SEPTIN3: variants seen among roughly 807,000 people sequenced by gnomAD.
SEPTIN3 encodes neuronal-specific septin-3.
In SEPTIN3, 15 loss-of-function variants were observed where a neutral mutation model predicts 45.1. The observed-to-expected ratio is 0.33, with a 90% CI of 0.22 to 0.51. SEPTIN3 has a LOEUF of 0.51. SEPTIN3 is among the 20% of genes least tolerant of loss of function. SEPTIN3 has a pLI of 0.97. For synonymous variants in SEPTIN3, 148 were observed against 164.8 expected, an observed-to-expected ratio of 0.90 and a Z score of 0.78; for missense variants, 289 against 457.2, an observed-to-expected ratio of 0.63 and a Z score of 3.35.
chr22:41,982,661 G>A (rs1252181700), intron 3 of SEPTIN3, among the ~76,000 whole-genome samples: 2 of 152,108 alleles, frequency 1.3e-5, no homozygotes, highest in African/African-American at 4.8e-5. Context: ...GGCCGAGGTG[G>A]GTGGATCACC....
intron 7 of SEPTIN3, among the ~76,000 whole-genome samples, chr22:41,990,687 A>G (rs2078297232): frequency 7.0e-6 from 1 of 142,488 alleles, no homozygotes; most frequent in South Asian, 2.3e-4. Flanking sequence ...CGGCGCTTGC[A>G]GTGAGCTGAG....
intron 3 of SEPTIN3, among the ~76,000 whole-genome samples, chr22:41,984,449 C>T (rs1569438389): frequency 2.0e-5 from 3 of 152,300 alleles, no homozygotes; most frequent in South Asian, 2.1e-4. Context: ...TACTAGTGTC[C>T]GGGCAATGCC....
rs980211031 is a variant in SEPTIN3, at chr22:41,976,872, C to T, written c.1504+3876C>T. On this transcript the variant is annotated intron_variant, in intron 2 of 11. Coordinates refer to ENST00000644076, the MANE Select transcript of SEPTIN3 (RefSeq NM_001363845.2). This position sits in a 1 kb window ranked among gnomAD's most constrained non-coding sequence, Gnocchi z 5.8. ...GCGCCGAGCGAGCCGAGGCGAGGTCCCGGGGAGGGCGCGGCGGCGCGGGGC... is the reference window on the plus strand; with the variant it reads ...GCGCCGAGCGAGCCGAGGCGAGGTCTCGGGGAGGGCGCGGCGGCGCGGGGC... 1 of 169,030 alleles carries T rather than the reference C, an allele frequency of 5.9e-6. No homozygotes were observed. The highest frequency in any genetic ancestry group is 1.2e-5 in the Non-Finnish European group (1 of 85,816). 10.5% of individuals were successfully genotyped at this position (169,030 alleles called of 1,614,324 possible). A position where few individuals can be genotyped will look rare whatever the true frequency, so the allele number is the denominator to read the frequency against.
At chr22:41,991,988 G>C (rs1403217960) in intron 8 of SEPTIN3, among the ~76,000 whole-genome samples, 1 of 152,168 alleles carries the variant, frequency 6.6e-6, no homozygotes, top group Admixed American at 6.5e-5. Flanking sequence ...GGTCCAGGAG[G>C]ATCTATGCTG....
chr22:41,985,258 C>T lies in SEPTIN3; in HGVS notation c.1697-726C>T, dbSNP rs536299409. Among the ~76,000 whole-genome samples, 7 of 152,348 alleles carry T rather than the reference C, an allele frequency of 4.6e-5. No individual in the cohort carries two copies. In the South Asian group the frequency reaches 8.3e-4, roughly 18 times the overall value. The stretch of plus-strand genomic sequence containing the variant: ...GAAAACAGGTGAAAGGGAGCCATAG[C>T]GAAGGAAGTGGATGCAGGGGCCCTG... On this transcript the variant is annotated intron_variant, in intron 3 of 11. Transcript: ENST00000644076.
rs1389710333 is a variant in SEPTIN3 at position 41,997,869 on chromosome 22, C to T, written c.*902C>T. Reference sequence around the variant, plus strand: ...ATACCCAAGGGAGGGCAAAGCCCCCCATCAGATGCATGAATGTTTGCGAAT... The same window carrying T: ...ATACCCAAGGGAGGGCAAAGCCCCCTATCAGATGCATGAATGTTTGCGAAT... On this transcript the variant is annotated 3_prime_UTR_variant, in exon 12 of 12. Transcript: ENST00000644076. 2.0e-5 allele frequency: 3 copies of T among 152,712 alleles called. No individual in the cohort carries two copies. Among genetic ancestry groups the T allele is most frequent in the Non-Finnish European group, 2.9e-5 (2 of 68,086 alleles). The allele number at this position is 152,712 out of a possible 1,614,324, so 9.5% of individuals were successfully genotyped here. A position where few individuals can be genotyped will look rare whatever the true frequency, so the allele number is the denominator to read the frequency against.
chr22:41,987,376 C>T, intron 5 of SEPTIN3, 89 bp downstream of exon 5: 2 of 1,272,552 alleles, frequency 1.6e-6, no homozygotes, highest in Non-Finnish European at 2.2e-6. Context: ...TGAGAACCAT[C>T]TGCACCCTCC....
At chr22:41,985,453 G>GT (rs972930611) in intron 3 of SEPTIN3, among the ~76,000 whole-genome samples, 2 of 152,214 alleles carry the variant, frequency 1.3e-5, no homozygotes, top group African/African-American at 4.8e-5. Context: ...TATTAGTTAT[G>GT]TTGCTCTGCA....
rs2078202012 is a variant in SEPTIN3, at chr22:41,986,038, T to C, written c.1751T>C (p.Val584Ala). 6.2e-7 allele frequency: 1 copy of C among 1,613,780 alleles called. No homozygotes were observed. The highest frequency in any genetic ancestry group is 1.7e-5 in the Admixed American group (1 of 60,010). ...GTCAACACGCTCTTCAAATCCCAAG[T>C]GAGCCGCAAGGCCTCCAGCTGGAAC... ...TLVNTLFKSQ[V>A]SRKASSWNRE... The change falls in exon 4 of 12, where the codon GTG becomes GCG. Residue 584 changes from valine (V) to alanine (A), a missense_variant. Around this residue, in one of 3 missense-constraint regions of SEPTIN3, gnomAD observed 200 missense variants for 315.1 expected, o/e 0.63. Transcript: ENST00000644076.
At chr22:41,989,736 C>A in intron 7 of SEPTIN3, 52 bp downstream of exon 7, 3 of 1,248,514 alleles carry the variant, frequency 2.4e-6, no homozygotes, top group Non-Finnish European at 2.4e-6. Context: ...CCTTTCTCTC[C>A]GCTGGGTTCA....
rs2078459503 is a variant in SEPTIN3 at position 41,997,317 on chromosome 22, T to C, written c.*350T>C. 1 of 252,334 alleles carries C rather than the reference T, an allele frequency of 4.0e-6. No homozygotes were observed. Among genetic ancestry groups the C allele is most frequent in the African/African-American group, 2.2e-5 (1 of 44,708 alleles). The allele number at this position is 252,334 out of a possible 1,614,324, so 15.6% of individuals were successfully genotyped here. A position where few individuals can be genotyped will look rare whatever the true frequency, so the allele number is the denominator to read the frequency against. On this transcript the variant is annotated 3_prime_UTR_variant, in exon 12 of 12. Coordinates refer to ENST00000644076, the MANE Select transcript of SEPTIN3 (RefSeq NM_001363845.2). ...CTCTAAGGGCAATGGCATTGCTCCC[T>C]ACCCATTCATCTGCATGAGCTACTC...
intron 2 of SEPTIN3, chr22:41,981,396 G>A: frequency 2.2e-6 from 1 of 449,090 alleles, no homozygotes; most frequent in Non-Finnish European, 4.0e-6. Flanking sequence ...AAAGTGCCCA[G>A]CAACCAGAGA....
intron 6 of SEPTIN3, 58 bp downstream of exon 6, chr22:41,987,817 C>G: frequency 6.4e-7 from 1 of 1,557,890 alleles, no homozygotes; most frequent in Non-Finnish European, 8.8e-7. Flanking sequence ...CATCTGTGCC[C>G]ATCTGGATTG....
chr22:41,985,049 G>A (rs923909011), intron 3 of SEPTIN3, among the ~76,000 whole-genome samples: 4 of 151,622 alleles, frequency 2.6e-5, no homozygotes, highest in African/African-American at 4.8e-5. Flanking sequence ...AAGAGACGGT[G>A]TTTCACCGTG....
intron 2 of SEPTIN3, 83 bp downstream of exon 2, chr22:41,973,079 T>G: frequency 2.5e-6 from 1 of 398,002 alleles, no homozygotes; most frequent in East Asian, 3.6e-5. Context: ...CATGCTTGCA[T>G]GGGTTGAGAA....
intron 7 of SEPTIN3, 91 bp from the exon 8 acceptor site, chr22:41,991,482 C>T (rs2078315734): frequency 1.1e-6 from 1 of 908,904 alleles, no homozygotes; most frequent in East Asian, 2.4e-5. Context: ...GGATTTGGCT[C>T]TCTGACCTCA....
intron 9 of SEPTIN3, among the ~76,000 whole-genome samples, chr22:41,993,923 TTC>T (rs1302888342): frequency 6.6e-6 from 1 of 152,230 alleles, no homozygotes; most frequent in Non-Finnish European, 1.5e-5. Context: ...AATTATTATT[TTC>T]TCTGTGTTAC....
chr22:41,996,391 G>C (rs1169310078), intron 11 of SEPTIN3: 6 of 985,756 alleles, frequency 6.1e-6, no homozygotes, highest in Non-Finnish European at 6.0e-6. Flanking sequence ...CCCATCTCCT[G>C]GTTCAGCCTA....
Position 41,986,017 on chromosome 22 carries a change from A to C in SEPTIN3, c.1730A>C (p.Asn577Thr). Residue 577 changes from asparagine to threonine, a missense_variant, in exon 4 of 12, where the codon AAC becomes ACC. Asn to Thr is a moderately conservative substitution (Grantham distance 65). Coordinates refer to ENST00000644076, the MANE Select transcript of SEPTIN3 (RefSeq NM_001363845.2). ...QSGLGKSTLV[N>T]TLFKSQVSRK... ...GGACTGGGCAAATCAACGCTGGTCA[A>C]CACGCTCTTCAAATCCCAAGTGAGC... The C allele has an allele frequency of 6.2e-7, 1 of 1,613,190 alleles. No individual in the cohort carries two copies. Among genetic ancestry groups the C allele is most frequent in the South Asian group, 1.1e-5 (1 of 90,924 alleles).
Sources: gnomAD v4.1 joint callset for allele counts (sites outside exome capture counted in the v4.1 genomes callset) on GRCh38, gnomAD v4.1.1 for gene constraint, gnomAD v4.1.1 regional missense constraint, Gnocchi (gnomAD v3.1) non-coding constraint, MANE v1.5 for transcripts, NCBI Gene and HGNC (gene_info 2026-07-23, HGNC 2026-07-21) for gene names.